Variants in TRIM44 observed in about 807,000 individuals in gnomAD.
TRIM44 encodes tripartite motif-containing protein 44.
TRIM44 carries 13 observed loss-of-function variants against 37.4 expected under a neutral mutation model. The ratio of observed to expected loss-of-function variants is 0.35; its 90% CI spans 0.23 to 0.55. The LOEUF (loss-of-function observed/expected upper bound fraction) is 0.55, where lower values mean the gene tolerates loss of function less well. Ranked by LOEUF, TRIM44 falls within the 20% of genes least tolerant of loss-of-function variation. TRIM44 has a pLI of 0.89. For synonymous variants in TRIM44, 175 were observed against 157.2 expected (o/e 1.11, Z -0.85); for missense variants, 426 against 437.2 (o/e 0.97, Z 0.23).
chr11:35,783,396 T>G (rs976159099), intron 4 of TRIM44, among the ~76,000 whole-genome samples: 6 of 152,220 alleles, frequency 3.9e-5, no homozygotes, highest in Admixed American at 6.5e-5. Context: ...CTGTTACTTC[T>G]TTTAATTTAT....
At chr11:35,761,261 C>T (rs1474953681) in intron 4 of TRIM44, among the ~76,000 whole-genome samples, 1 of 152,164 alleles carries the variant, frequency 6.6e-6, no homozygotes, top group Non-Finnish European at 1.5e-5. Flanking sequence ...GGACTTACCA[C>T]TTCTCTATTT....
intron 3 of TRIM44, among the ~76,000 whole-genome samples, chr11:35,727,807 T>C (rs1233850765): frequency 1.3e-5 from 2 of 152,224 alleles, no homozygotes; most frequent in Non-Finnish European, 2.9e-5. Flanking sequence ...ATAAGACATA[T>C]GCTAAGCATC....
intron 4 of TRIM44, among the ~76,000 whole-genome samples, chr11:35,761,666 A>G (rs1169645238): frequency 6.6e-6 from 1 of 152,230 alleles, no homozygotes; most frequent in Non-Finnish European, 1.5e-5. Context: ...ATTCAAAGAT[A>G]AAATAATTTG....
At chr11:35,759,576 C>T (rs1012825729) in intron 4 of TRIM44, among the ~76,000 whole-genome samples, 1 of 152,196 alleles carries the variant, frequency 6.6e-6, no homozygotes, top group African/African-American at 2.4e-5. Context: ...GAGAGGCGCT[C>T]TGATTTTTAA....
chr11:35,720,713 C>T (rs1489360149), intron 2 of TRIM44, among the ~76,000 whole-genome samples: 1 of 151,984 alleles, frequency 6.6e-6, no homozygotes, highest in African/African-American at 2.4e-5. Flanking sequence ...AAGCTCCCCC[C>T]CACCCCATTC....
chr11:35,673,868 A>T (rs544470894), intron 1 of TRIM44, among the ~76,000 whole-genome samples: 1 of 152,088 alleles, frequency 6.6e-6, no homozygotes, highest in East Asian at 2.0e-4. Flanking sequence ...CTGCCTGTTC[A>T]TTGACATACC....
intron 1 of TRIM44, among the ~76,000 whole-genome samples, chr11:35,667,840 C>G (rs192810366): frequency 3.3e-5 from 5 of 152,092 alleles, no homozygotes; most frequent in African/African-American, 4.8e-5. Flanking sequence ...AATGAAGTAG[C>G]CTTATGTTTT....
At chr11:35,733,805 AAC>A (rs1852296456) in intron 3 of TRIM44, among the ~76,000 whole-genome samples, 1 of 152,074 alleles carries the variant, frequency 6.6e-6, no homozygotes, top group African/African-American at 2.4e-5. Flanking sequence ...CCCTGCCCAA[AAC>A]ACACATGTGC....
chr11:35,760,396 C>T (rs928365943), intron 4 of TRIM44, among the ~76,000 whole-genome samples: 10 of 152,210 alleles, frequency 6.6e-5, no homozygotes, highest in Admixed American at 3.9e-4. Context: ...CATCTGTCAC[C>T]CCTTTCTTTG....
intron 2 of TRIM44, 25 bp downstream of exon 2, chr11:35,685,361 G>A: frequency 6.2e-7 from 1 of 1,600,122 alleles, no homozygotes; most frequent in Non-Finnish European, 8.6e-7. Flanking sequence ...GAATTGATTG[G>A]GTGTTGGTAC....
At chr11:35,696,485 G>A (rs1009018704) in intron 2 of TRIM44, among the ~76,000 whole-genome samples, 2 of 151,972 alleles carry the variant, frequency 1.3e-5, no homozygotes, top group African/African-American at 4.8e-5. Context: ...CACTGATAGA[G>A]TGAAGACTTA....
At chr11:35,789,740 T>C (rs1853179075) in intron 4 of TRIM44, among the ~76,000 whole-genome samples, 1 of 152,194 alleles carries the variant, frequency 6.6e-6, no homozygotes, top group South Asian at 2.1e-4. Context: ...AAGAGGCATA[T>C]TCCCCTGGTG....
chr11:35,724,272 A>C (rs1852142366), intron 2 of TRIM44: 1 of 152,248 alleles, frequency 6.6e-6, no homozygotes, highest in Non-Finnish European at 1.5e-5. Flanking sequence ...TTCCTTTCTT[A>C]GGTTTTCCCA....
At chr11:35,691,811 A>AT (rs1347712701) in intron 2 of TRIM44, among the ~76,000 whole-genome samples, 2 of 151,826 alleles carry the variant, frequency 1.3e-5, no homozygotes, top group Non-Finnish European at 1.5e-5. Flanking sequence ...TGCCCAGCTA[A>AT]TTTTTTTGTA....
At chr11:35,765,111 A>G (rs149897944) in intron 4 of TRIM44, among the ~76,000 whole-genome samples, 5 of 152,302 alleles carry the variant, frequency 3.3e-5, no homozygotes, top group African/African-American at 9.6e-5. Flanking sequence ...ATTTGTGTGC[A>G]TAGTTGCAAT....
chr11:35,797,212 A>G (rs1853304774), intron 4 of TRIM44, among the ~76,000 whole-genome samples: 1 of 152,236 alleles, frequency 6.6e-6, no homozygotes, highest in South Asian at 2.1e-4. Flanking sequence ...AGAGCACTCA[A>G]AGGCCAAAGC....
chr11:35,747,842 G>A (rs1321658532), intron 4 of TRIM44, among the ~76,000 whole-genome samples: 1 of 151,414 alleles, frequency 6.6e-6, no homozygotes. Context: ...GGAGAGGCAA[G>A]CAGTTTAATT....
At chr11:35,711,827 A>T (rs1851978478) in intron 2 of TRIM44, among the ~76,000 whole-genome samples, 1 of 152,100 alleles carries the variant, frequency 6.6e-6, no homozygotes, top group African/African-American at 2.4e-5. Flanking sequence ...AATAACCCTT[A>T]CTTCCAGCAG....
At chr11:35,794,774 C>A (rs1252477705) in intron 4 of TRIM44, among the ~76,000 whole-genome samples, 1 of 152,190 alleles carries the variant, frequency 6.6e-6, no homozygotes, top group African/African-American at 2.4e-5. Flanking sequence ...ACGCTTTATA[C>A]GATTGTTTTG....
Sources: gnomAD v4.1 joint callset for allele counts (sites outside exome capture counted in the v4.1 genomes callset) on GRCh38, gnomAD v4.1.1 for gene constraint, MANE v1.5 for transcripts, NCBI Gene and HGNC (gene_info 2026-07-23, HGNC 2026-07-21) for gene names.